The following GRHL2 variants were observed in gnomAD, a reference collection of about 807,000 sequenced individuals.
GRHL2 encodes grainyhead like transcription factor 2, also known as grainyhead-like protein 2 homolog.
GRHL2 carries 21 observed loss-of-function variants against 83.8 expected under a neutral mutation model. The ratio of observed to expected loss-of-function variants is 0.25; its 90% CI spans 0.18 to 0.36. The LOEUF (loss-of-function observed/expected upper bound fraction) is 0.36. GRHL2 is among the 10% of genes least tolerant of loss of function. The pLI is 1.00. For missense variants in GRHL2, 623 were observed against 781.8 expected, an observed-to-expected ratio of 0.80 and a Z score of 2.42; for synonymous variants, 280 against 278.9, an observed-to-expected ratio of 1.00 and a Z score of -0.04.
At position 101,609,290 on chromosome 8, in the gene GRHL2, G is replaced by C. The variant is rs79015034; in HGVS notation, c.1098+10139G>C. On this transcript the variant is annotated intron_variant, in intron 8 of 15. Coordinates refer to ENST00000646743, the MANE Select transcript of GRHL2 (RefSeq NM_024915.4). ...GGTTTAGGCAGTGGTTGCTCAAACTGTGGTCCTCAACAAGCAGCATCAGTG... is the reference window on the plus strand; with the variant it reads ...GGTTTAGGCAGTGGTTGCTCAAACTCTGGTCCTCAACAAGCAGCATCAGTG... 3.7e-4 allele frequency among the ~76,000 whole-genome samples: 55 copies of C among 150,678 alleles called. No individual in the cohort carries two copies. In the East Asian group the frequency reaches 8.3e-3, roughly 23 times the overall value.
Position 101,664,478 on chromosome 8 carries a change from G to A in GRHL2, c.1723G>A (p.Val575Met), listed in dbSNP as rs370196002. ...GATATCTGAGAAATATGGGCTGCCC[G>A]TGGAGAAGATAGCAAAGCTTTACAA... The part of the protein sequence containing the change: ...EAISEKYGLP[V>M]EKIAKLYKKS... The change falls in exon 15 of 16, where the codon GTG (valine) becomes ATG (methionine). Residue 575 changes from valine to methionine, a missense_variant. This residue lies in a region of GRHL2 where 210 missense variants were observed against 254.8 expected (regional missense o/e 0.82). Transcript: ENST00000646743. 106 of 1,613,514 alleles carry A rather than the reference G, an allele frequency of 6.6e-5. No homozygotes were observed. Among genetic ancestry groups the A allele is most frequent in the African/African-American group, 9.3e-5 (7 of 74,890 alleles).
chr8:101,509,243 GTGTT>G (rs1240539543), intron 1 of GRHL2, among the ~76,000 whole-genome samples: 2 of 112,532 alleles, frequency 1.8e-5, no homozygotes, highest in African/African-American at 7.0e-5. Context: ...GTGTGTGTGT[GTGTT>G]TTGGCCTATT....
intron 8 of GRHL2, among the ~76,000 whole-genome samples, chr8:101,617,288 C>T (rs1387095874): frequency 6.6e-6 from 1 of 152,160 alleles, no homozygotes; most frequent in Non-Finnish European, 1.5e-5. Context: ...CAGCCTGTCA[C>T]TAAGCCCTGT....
chr8:101,599,949 C>A (rs1303651880), intron 8 of GRHL2, among the ~76,000 whole-genome samples: 1 of 152,196 alleles, frequency 6.6e-6, no homozygotes, highest in Non-Finnish European at 1.5e-5. Flanking sequence ...CCAGATGAAA[C>A]CTAAGCTTGT....
chr8:101,600,574 C>T (rs1299839432), intron 8 of GRHL2, among the ~76,000 whole-genome samples: 3 of 152,166 alleles, frequency 2.0e-5, no homozygotes, highest in Admixed American at 6.5e-5. Flanking sequence ...TGAACCTGAT[C>T]GGTAAGAGGC....
intron 8 of GRHL2, among the ~76,000 whole-genome samples, chr8:101,599,539 C>A (rs1812467406): frequency 6.6e-6 from 1 of 152,214 alleles, no homozygotes; most frequent in Non-Finnish European, 1.5e-5. Context: ...AGACCCCTGA[C>A]CCCATAGCCC....
chr8:101,623,501 A>T (rs1195278035), intron 9 of GRHL2, among the ~76,000 whole-genome samples: 1 of 145,334 alleles, frequency 6.9e-6, no homozygotes, highest in East Asian at 2.0e-4. Flanking sequence ...AGTTCACAGT[A>T]CACAGTAGGA....
chr8:101,670,268 C>T (rs1400118488), downstream of GRHL2, among the ~76,000 whole-genome samples: 1 of 152,224 alleles, frequency 6.6e-6, no homozygotes, highest in African/African-American at 2.4e-5. Flanking sequence ...TGTGGAGCCA[C>T]CCACACTCCT....
At chr8:101,535,159 G>A (rs1242397012) in intron 1 of GRHL2, among the ~76,000 whole-genome samples, 1 of 152,166 alleles carries the variant, frequency 6.6e-6, no homozygotes, top group Non-Finnish European at 1.5e-5. Flanking sequence ...GTATTTTGTA[G>A]CTGTGTTACC....
chr8:101,615,131 A>G (rs1258460051), intron 8 of GRHL2, among the ~76,000 whole-genome samples: 5 of 152,186 alleles, frequency 3.3e-5, no homozygotes, highest in Admixed American at 3.3e-4. Flanking sequence ...GATGTGTGGT[A>G]GCTCATTTGA....
rs10696908 is a variant in GRHL2 at position 101,669,694 on chromosome 8, GAA to G, written c.*2996_*2997del. 5.3e-5 allele frequency: 8 copies of G among 152,120 alleles called. No individual in the cohort carries two copies. Among genetic ancestry groups the G allele is most frequent in the Non-Finnish European group, 1.2e-4 (8 of 67,990 alleles). 9.4% of individuals were successfully genotyped at this position (152,120 alleles called of 1,614,324 possible). ...TTTATTTTTTGTACATTTTTAAGGA[GAA>G]AAAATAAATATTCATAACATAAGAG... On this transcript the variant is annotated 3_prime_UTR_variant, in exon 16 of 16. Coordinates refer to ENST00000646743, the MANE Select transcript of GRHL2 (RefSeq NM_024915.4).
At chr8:101,522,143 T>C (rs1288360689) in intron 1 of GRHL2, among the ~76,000 whole-genome samples, 2 of 152,164 alleles carry the variant, frequency 1.3e-5, no homozygotes, top group African/African-American at 4.8e-5. Flanking sequence ...CTAGGGTACA[T>C]GGCCCAAGTG....
chr8:101,644,051 G>C (rs565620559), intron 12 of GRHL2, 80 bp from the exon 13 acceptor site: 2 of 1,249,852 alleles, frequency 1.6e-6, no homozygotes, highest in East Asian at 4.8e-5. Flanking sequence ...CAAAGGGAAA[G>C]ACAGAAACGG....
chr8:101,497,566 C>T (rs769028242), intron 1 of GRHL2, among the ~76,000 whole-genome samples: 1 of 152,208 alleles, frequency 6.6e-6, no homozygotes, highest in African/African-American at 2.4e-5. Flanking sequence ...AAAATCATTG[C>T]ATCTCAAACT....
intron 1 of GRHL2, among the ~76,000 whole-genome samples, chr8:101,505,465 T>C (rs1367776110): frequency 6.6e-6 from 1 of 150,408 alleles, no homozygotes; most frequent in Non-Finnish European, 1.5e-5. Context: ...TAATCCCAGC[T>C]ACTCGGGAGG....
chr8:101,657,854 G>GAA (rs1370676448), intron 14 of GRHL2, among the ~76,000 whole-genome samples: 2 of 150,248 alleles, frequency 1.3e-5, no homozygotes, highest in East Asian at 3.9e-4. Flanking sequence ...GACAGAAAAA[G>GAA]AAAAAAAGAA....
chr8:101,603,446 C>G (rs912123680), intron 8 of GRHL2, among the ~76,000 whole-genome samples: 1 of 152,186 alleles, frequency 6.6e-6, no homozygotes, highest in African/African-American at 2.4e-5. Flanking sequence ...CATTTTCTTT[C>G]ATTGCTGACT....
At chr8:101,500,727 T>A (rs1488731079) in intron 1 of GRHL2, among the ~76,000 whole-genome samples, 1 of 152,186 alleles carries the variant, frequency 6.6e-6, no homozygotes, top group East Asian at 1.9e-4. Context: ...GCCAGTCTTG[T>A]CTCGAACTCC....
chr8:101,577,003 C>G (rs148389030), intron 6 of GRHL2, among the ~76,000 whole-genome samples: 5 of 152,184 alleles, frequency 3.3e-5, no homozygotes, highest in African/African-American at 1.2e-4. Context: ...ATGTTTGCTT[C>G]TTTACAAATG....
Sources: allele counts gnomAD v4.1 joint callset (sites outside exome capture counted in the v4.1 genomes callset), GRCh38; gene constraint gnomAD v4.1.1; regional missense constraint gnomAD v4.1.1; transcripts MANE v1.5; gene names NCBI Gene and HGNC (gene_info 2026-07-23, HGNC 2026-07-21).